SNTG1: variants seen among roughly 807,000 people sequenced by gnomAD.
SNTG1 encodes gamma-1-syntrophin.
A neutral mutation model predicts 74.7 loss-of-function variants in SNTG1; 39 were observed. The observed-to-expected ratio is 0.52, with a 90% CI of 0.40 to 0.68. The LOEUF (loss-of-function observed/expected upper bound fraction) is 0.68. Ranked by LOEUF, SNTG1 falls within the 30% of genes least tolerant of loss-of-function variation. The pLI is 0.00. For missense variants in SNTG1, 685 were observed against 609.5 expected (o/e 1.12, Z -1.30); for synonymous variants, 254 against 217.1 (o/e 1.17, Z -1.49).
At chr8:50,144,733 A>C (rs1486006919) in intron 1 of SNTG1, among the ~76,000 whole-genome samples, 2 of 152,146 alleles carry the variant, frequency 1.3e-5, no homozygotes, top group African/African-American at 4.8e-5. Flanking sequence ...GCGGCTGTAG[A>C]TTGGGAGTTG....
At chr8:50,711,737 T>G (rs569221648) in intron 17 of SNTG1, among the ~76,000 whole-genome samples, 1 of 152,290 alleles carries the variant, frequency 6.6e-6, no homozygotes, top group South Asian at 2.1e-4. Flanking sequence ...AATAGCATTC[T>G]GTTCCCTATA....
rs310566 is a variant in SNTG1 at position 50,551,071 on chromosome 8, T to C, written c.681-1979T>C. On this transcript the variant is annotated intron_variant, in intron 11 of 18. Transcript: ENST00000642720. ...AATTATTCAGAAAATACTTGTTAAA[T>C]CTGTATGGTAAATTGTTCTCACTTT... is the stretch of plus-strand genomic sequence containing the variant. Among the ~76,000 whole-genome samples, 1,269 of 152,196 alleles carry C rather than the reference T, an allele frequency of 8.3e-3. 19 individuals carry two copies. The highest frequency in any genetic ancestry group is 0.029 in the African/African-American group (1,218 of 41,542).
intron 2 of SNTG1, among the ~76,000 whole-genome samples, chr8:50,346,548 C>T (rs2091482744): frequency 6.6e-6 from 1 of 152,198 alleles, no homozygotes; most frequent in African/African-American, 2.4e-5. Flanking sequence ...AGCCACGTTT[C>T]TCCCTTTAAA....
chr8:50,427,530 G>A (rs550275103), intron 4 of SNTG1, among the ~76,000 whole-genome samples: 1 of 152,184 alleles, frequency 6.6e-6, no homozygotes, highest in Admixed American at 6.5e-5. Flanking sequence ...TTTGGTTCAA[G>A]CTGTCCTGCC....
Position 50,490,065 on chromosome 8 carries a change from A to T in SNTG1, c.364-12713A>T, listed in dbSNP as rs2093837614. 1.3e-5 allele frequency among the ~76,000 whole-genome samples: 2 copies of T among 152,168 alleles called. 1 individual carries two copies. Among genetic ancestry groups the T allele is most frequent in the Non-Finnish European group, 2.9e-5 (2 of 68,036 alleles). On this transcript the variant is annotated intron_variant, in intron 8 of 18. Coordinates refer to ENST00000642720, the MANE Select transcript of SNTG1 (RefSeq NM_018967.5). ...TTGATTGTTTTTGTCAAGTTTGTCAAATATCAGATGGTTGTAGATGTGTAG... is the reference window on the plus strand; with the variant it reads ...TTGATTGTTTTTGTCAAGTTTGTCATATATCAGATGGTTGTAGATGTGTAG...
At chr8:50,470,623 G>C (rs77828828) in intron 8 of SNTG1, among the ~76,000 whole-genome samples, 4 of 152,158 alleles carry the variant, frequency 2.6e-5, no homozygotes, top group African/African-American at 9.7e-5. Context: ...GCTTCGCAGT[G>C]AGTGTTACAG....
At chr8:50,058,595 A>T (rs910498591) in intron 1 of SNTG1, among the ~76,000 whole-genome samples, 1 of 152,138 alleles carries the variant, frequency 6.6e-6, no homozygotes, top group Non-Finnish European at 1.5e-5. Context: ...TTGTGAAGTT[A>T]TATGCGATGA....
At chr8:50,645,620 T>C (rs2095104166) in intron 13 of SNTG1, among the ~76,000 whole-genome samples, 1 of 152,198 alleles carries the variant, frequency 6.6e-6, no homozygotes, top group Non-Finnish European at 1.5e-5. Context: ...TTTACTTTTA[T>C]TCCTGGCAAA....
chr8:50,549,288 G>A (rs897708766), intron 11 of SNTG1, among the ~76,000 whole-genome samples: 14 of 152,062 alleles, frequency 9.2e-5, no homozygotes, highest in Admixed American at 3.3e-4. Flanking sequence ...TGCTATGTGT[G>A]GATTACACTC....
At chr8:50,491,424 A>C (rs550862824) in intron 8 of SNTG1, 2 of 152,432 alleles carry the variant, frequency 1.3e-5, no homozygotes, top group East Asian at 3.9e-4. Context: ...TAAAGGGGAA[A>C]CCACCGTTCC....
chr8:50,178,724 A>T (rs1425712434), intron 2 of SNTG1, among the ~76,000 whole-genome samples: 1 of 152,024 alleles, frequency 6.6e-6, no homozygotes, highest in Non-Finnish European at 1.5e-5. Context: ...TTTGTTCTTT[A>T]TCATATCGAG....
At chr8:50,108,438 T>C (rs2080462678) in intron 1 of SNTG1, among the ~76,000 whole-genome samples, 1 of 152,162 alleles carries the variant, frequency 6.6e-6, no homozygotes. Flanking sequence ...GGAACTGGGA[T>C]TGAATTTGAT....
At chr8:50,232,350 C>A (rs1202384605) in intron 2 of SNTG1, among the ~76,000 whole-genome samples, 1 of 151,152 alleles carries the variant, frequency 6.6e-6, no homozygotes, top group Admixed American at 6.6e-5. Context: ...GAAAAATCAC[C>A]TGAATAATAA....
chr8:50,102,192 C>T (rs2080160365), intron 1 of SNTG1, among the ~76,000 whole-genome samples: 1 of 145,950 alleles, frequency 6.9e-6, no homozygotes, highest in Non-Finnish European at 1.5e-5. Flanking sequence ...AAAAGTGTTC[C>T]TATTTCTCCA....
chr8:49,984,298 C>T (rs1229970895), intron 1 of SNTG1, among the ~76,000 whole-genome samples: 2 of 151,988 alleles, frequency 1.3e-5, no homozygotes, highest in Non-Finnish European at 1.5e-5. Context: ...TTCCGCCTCC[C>T]AGATTCAAGC....
intron 12 of SNTG1, among the ~76,000 whole-genome samples, chr8:50,567,063 A>T (rs914309967): frequency 1.3e-5 from 2 of 152,082 alleles, no homozygotes; most frequent in African/African-American, 4.8e-5. Context: ...TTGTTGATGG[A>T]ATAATAGTCT....
At chr8:50,075,142 C>A (rs1035744013) in intron 1 of SNTG1, among the ~76,000 whole-genome samples, 1 of 152,188 alleles carries the variant, frequency 6.6e-6, no homozygotes, top group South Asian at 2.1e-4. Context: ...CCGAGCCTCT[C>A]CGCCTCCCCC....
intron 1 of SNTG1, among the ~76,000 whole-genome samples, chr8:50,066,886 GAAAT>G (rs1203252984): frequency 6.6e-6 from 1 of 151,906 alleles, no homozygotes; most frequent in African/African-American, 2.4e-5. Flanking sequence ...TCCTCAAATG[GAAAT>G]AAAAAACAGT....
At chr8:50,518,928 G>A (rs1435205531) in intron 9 of SNTG1, among the ~76,000 whole-genome samples, 2 of 152,130 alleles carry the variant, frequency 1.3e-5, no homozygotes, top group African/African-American at 4.8e-5. Context: ...CATTGAAAAA[G>A]AGGGACTCCT....
Sources: allele counts gnomAD v4.1 joint callset (sites outside exome capture counted in the v4.1 genomes callset), GRCh38; gene constraint gnomAD v4.1.1; transcripts MANE v1.5; gene names NCBI Gene and HGNC (gene_info 2026-07-23, HGNC 2026-07-21).